Variants in LHFPL6 observed in about 807,000 individuals in gnomAD.
LHFPL6 encodes the protein LHFPL tetraspan subfamily member 6, also known as LHFPL tetraspan subfamily member 6 protein.
A neutral mutation model predicts 20.6 loss-of-function variants in LHFPL6; 9 were observed. That is an observed-to-expected ratio of 0.44 (90% CI 0.26 to 0.76). The LOEUF (loss-of-function observed/expected upper bound fraction) is 0.76, where lower values mean the gene tolerates loss of function less well. LHFPL6 is among the 30% of genes least tolerant of loss of function. The probability of loss-of-function intolerance (pLI) is 0.20; values close to 1 mark genes in which losing one functional copy is unlikely to be tolerated. For missense variants in LHFPL6, 218 were observed against 253.5 expected, an observed-to-expected ratio of 0.86 and a Z score of 0.95; for synonymous variants, 105 against 98.7, an observed-to-expected ratio of 1.06 and a Z score of -0.38.
chr13:39,441,272 C>A (rs564847268), intron 2 of LHFPL6, among the ~76,000 whole-genome samples: 1 of 150,796 alleles, frequency 6.6e-6, no homozygotes, highest in African/African-American at 2.4e-5. Flanking sequence ...AGGTGTGAGC[C>A]GCTGCACCTG....
At chr13:39,575,048 C>T (rs1023206249) in intron 2 of LHFPL6, among the ~76,000 whole-genome samples, 3 of 151,416 alleles carry the variant, frequency 2.0e-5, no homozygotes, top group South Asian at 2.1e-4. Context: ...TTTGGCCTCG[C>T]GACAGAGCAA....
intron 2 of LHFPL6, among the ~76,000 whole-genome samples, chr13:39,513,265 C>T (rs1288975074): frequency 6.6e-6 from 1 of 152,320 alleles, no homozygotes; most frequent in South Asian, 2.1e-4. Flanking sequence ...ATAAGAAGGG[C>T]ATGGCCCTTC....
At chr13:39,472,568 G>A (rs970899708) in intron 2 of LHFPL6, among the ~76,000 whole-genome samples, 1 of 151,948 alleles carries the variant, frequency 6.6e-6, no homozygotes, top group Non-Finnish European at 1.5e-5. Context: ...CCCTCTTAAT[G>A]TATTTGAAAG....
At position 39,535,605 on chromosome 13, in the gene LHFPL6, G is replaced by A. The variant is rs773961119; in HGVS notation, c.385+65227C>T. Among the ~76,000 whole-genome samples, 20 of 152,322 alleles carry A rather than the reference G, an allele frequency of 1.3e-4. No individual in the cohort carries two copies. The South Asian group carries it at 2.3e-3, about 17-fold the overall frequency. Reference sequence around the variant, plus strand: ...TCACCAAACAGGAATTTCAGGCACTGATCCAGGATGTTCTATGAATTCAGG... The same window carrying A: ...TCACCAAACAGGAATTTCAGGCACTAATCCAGGATGTTCTATGAATTCAGG... On this transcript the variant is annotated intron_variant, in intron 2 of 3. Coordinates refer to ENST00000379589, the MANE Select transcript of LHFPL6 (RefSeq NM_005780.3).
intron 3 of LHFPL6, among the ~76,000 whole-genome samples, chr13:39,359,728 A>G (rs1869828516): frequency 6.6e-6 from 1 of 152,120 alleles, no homozygotes; most frequent in Non-Finnish European, 1.5e-5. Context: ...TCTGCATCAC[A>G]CAATATACCT....
chr13:39,529,541 T>C (rs1355492109), intron 2 of LHFPL6, among the ~76,000 whole-genome samples: 1 of 152,234 alleles, frequency 6.6e-6, no homozygotes, highest in Non-Finnish European at 1.5e-5. Context: ...AGTAGGTTCA[T>C]ACTTAGTGTG....
intron 2 of LHFPL6, among the ~76,000 whole-genome samples, chr13:39,446,251 T>C (rs1182979487): frequency 1.3e-5 from 2 of 151,996 alleles, no homozygotes; most frequent in Non-Finnish European, 2.9e-5. Flanking sequence ...TCCAACAGAG[T>C]AGGCCTACTT....
At chr13:39,533,785 A>G (rs528532279) in intron 2 of LHFPL6, among the ~76,000 whole-genome samples, 3 of 152,176 alleles carry the variant, frequency 2.0e-5, no homozygotes, top group Non-Finnish European at 4.4e-5. Flanking sequence ...CAATAATGCT[A>G]CAGATACTTA....
intron 3 of LHFPL6, among the ~76,000 whole-genome samples, chr13:39,353,439 C>G (rs1869645091): frequency 6.6e-6 from 1 of 151,838 alleles, no homozygotes; most frequent in Non-Finnish European, 1.5e-5. Flanking sequence ...TTAAAAGCTA[C>G]TTTGCGGCCG....
At chr13:39,406,605 T>G (rs934220489) in intron 2 of LHFPL6, among the ~76,000 whole-genome samples, 6 of 27,576 alleles carry the variant, frequency 2.2e-4, no homozygotes, top group African/African-American at 1.5e-3. Context: ...TGTTCAATAT[T>G]TTTGATAAAA....
At chr13:39,602,367 T>C (rs544852432) in intron 1 of LHFPL6, among the ~76,000 whole-genome samples, 7 of 152,240 alleles carry the variant, frequency 4.6e-5, no homozygotes, top group Admixed American at 1.3e-4. Context: ...TTTTTTTCTC[T>C]AACCACCGCC....
At chr13:39,477,254 G>A (rs908185923) in intron 2 of LHFPL6, among the ~76,000 whole-genome samples, 3 of 151,896 alleles carry the variant, frequency 2.0e-5, no homozygotes, top group African/African-American at 7.3e-5. Context: ...CATCTTTGTC[G>A]GGTTCTCTCC....
intron 2 of LHFPL6, among the ~76,000 whole-genome samples, chr13:39,596,649 A>G (rs1872779658): frequency 2.1e-5 from 1 of 48,234 alleles, no homozygotes; most frequent in African/African-American, 1.0e-4. Context: ...TCTATAAGGC[A>G]TAATTTAAAA....
At chr13:39,601,546 C>T (rs1366493078) in intron 1 of LHFPL6, among the ~76,000 whole-genome samples, 156 bp from the exon 2 acceptor site, 1 of 152,198 alleles carries the variant, frequency 6.6e-6, no homozygotes, top group African/African-American at 2.4e-5. Context: ...CTTCATAACT[C>T]GATTTTTGTC....
intron 2 of LHFPL6, among the ~76,000 whole-genome samples, chr13:39,600,269 C>A (rs967517943): frequency 1.3e-5 from 2 of 152,186 alleles, no homozygotes; most frequent in African/African-American, 4.8e-5. Context: ...GGATAGCTAT[C>A]TCTGTAGAAT....
chr13:39,399,307 A>G (rs968670377), intron 2 of LHFPL6, among the ~76,000 whole-genome samples: 5 of 152,202 alleles, frequency 3.3e-5, no homozygotes, highest in Non-Finnish European at 7.3e-5. Flanking sequence ...TTACATATTC[A>G]TTTCTGTTTA....
chr13:39,442,673 G>C (rs1306941326), intron 2 of LHFPL6, among the ~76,000 whole-genome samples: 3 of 152,218 alleles, frequency 2.0e-5, no homozygotes, highest in Admixed American at 1.3e-4. Context: ...GAAAATCTCA[G>C]AGGTTCTGTG....
At chr13:39,412,928 A>AG (rs1161029621) in intron 2 of LHFPL6, among the ~76,000 whole-genome samples, 1 of 151,664 alleles carries the variant, frequency 6.6e-6, no homozygotes, top group Non-Finnish European at 1.5e-5. Context: ...GTCTCAAAAA[A>AG]AAAAAAAGAA....
At chr13:39,508,454 T>C (rs889116808) in intron 2 of LHFPL6, among the ~76,000 whole-genome samples, 4 of 152,216 alleles carry the variant, frequency 2.6e-5, no homozygotes, top group African/African-American at 4.8e-5. Flanking sequence ...CATTTCCTCA[T>C]ACTACTTTGT....
Sources: gnomAD v4.1 joint callset for allele counts (sites outside exome capture counted in the v4.1 genomes callset) on GRCh38, gnomAD v4.1.1 for gene constraint, MANE v1.5 for transcripts, NCBI Gene and HGNC (gene_info 2026-07-23, HGNC 2026-07-21) for gene names.